SIK3: variants seen among roughly 807,000 people sequenced by gnomAD.
SIK3 encodes SIK family kinase 3, also known as serine/threonine-protein kinase SIK3.
A neutral mutation model predicts 144.2 loss-of-function variants in SIK3; 28 were observed. The ratio of observed to expected loss-of-function variants is 0.19; its 90% CI spans 0.14 to 0.27. The LOEUF is 0.27. Ranked by LOEUF, SIK3 falls within the 10% of genes least tolerant of loss-of-function variation. SIK3 has a pLI of 1.00. For synonymous variants in SIK3, 686 were observed against 676.3 expected (o/e 1.01, Z -0.22); for missense variants, 1,319 against 1,776.0 (o/e 0.74, Z 4.62).
intron 1 of SIK3, among the ~76,000 whole-genome samples, chr11:117,088,642 C>T (rs1294358399): frequency 6.6e-6 from 1 of 152,130 alleles, no homozygotes; most frequent in African/African-American, 2.4e-5. Context: ...CTGTGCCATC[C>T]TAATGAGCAG....
At chr11:116,924,032 A>C (rs1947143193) in intron 4 of SIK3, among the ~76,000 whole-genome samples, 1 of 152,218 alleles carries the variant, frequency 6.6e-6, no homozygotes, top group Non-Finnish European at 1.5e-5. Flanking sequence ...CTATAATCCC[A>C]GCACTTTGGG....
intron 1 of SIK3, among the ~76,000 whole-genome samples, chr11:117,013,903 G>GTGT (rs1555127047): frequency 0.011 from 599 of 52,788 alleles, 42 homozygotes; most frequent in African/African-American, 0.019. Context: ...ATTCTGAGGG[G>GTGT]GGGGGGGGGA....
chr11:116,956,552 T>C (rs1168033454), intron 2 of SIK3, among the ~76,000 whole-genome samples: 3 of 152,092 alleles, frequency 2.0e-5, no homozygotes, highest in Admixed American at 2.0e-4. Context: ...ATAATGCTAT[T>C]AAAAAAATGT....
At position 116,876,339 on chromosome 11, in the gene SIK3, T is replaced by C; in HGVS notation, c.1009A>G (p.Lys337Glu). 6.2e-7 allele frequency: 1 copy of C among 1,614,196 alleles called. No individual in the cohort carries two copies. The highest frequency in any genetic ancestry group is 8.5e-7 in the Non-Finnish European group (1 of 1,180,004). The change falls in exon 8 of 25, where the codon AAG (lysine) becomes GAG (glutamate). Residue 337 changes from lysine (K) to glutamate (E), a missense_variant. Physicochemically the swap from Lys to Glu is moderately conservative, Grantham distance 56. Transcript: ENST00000445177. ...AGGGGGTCCACCTGTCTTTCTTCCT[T>C]TAGTTGTTGGCATTCAGCTATTAAC... is the stretch of plus-strand genomic sequence containing the variant. ...DRLIAECQQL[K>E]EERQVDPLNE...
chr11:116,920,880 A>G (rs1032506924), intron 4 of SIK3, among the ~76,000 whole-genome samples: 6 of 152,228 alleles, frequency 3.9e-5, no homozygotes, highest in Non-Finnish European at 8.8e-5. Context: ...CAGTACTTCT[A>G]TCATCCTCTG....
intron 4 of SIK3, among the ~76,000 whole-genome samples, chr11:116,907,472 C>A (rs574342120): frequency 6.6e-6 from 1 of 152,232 alleles, no homozygotes; most frequent in South Asian, 2.1e-4. Context: ...CACGGCAAAA[C>A]CCCGTCTCTA....
chr11:117,016,304 C>T (rs1467127200), intron 1 of SIK3, among the ~76,000 whole-genome samples: 1 of 135,540 alleles, frequency 7.4e-6, no homozygotes, highest in Non-Finnish European at 1.5e-5. Flanking sequence ...CTAGCCTGGG[C>T]GACAGAGAGA....
In SIK3 at chr11:116,897,224, T is replaced by C. The variant is rs1945457843; in HGVS notation, c.710A>G (p.Lys237Arg). 10 of 1,613,950 alleles carry C rather than the reference T, an allele frequency of 6.2e-6. No individual in the cohort carries two copies. The highest frequency in any genetic ancestry group is 1.3e-5 in the African/African-American group (1 of 74,904). ...GTCCACTTTGGGCCCATCATATTCT[T>C]TTCCTTCAAAGAGTTCAGGTGCAGC... is the stretch of plus-strand genomic sequence containing the variant. Reference protein sequence around the residue: ...PYAAPELFEGKEYDGPKVDIW... With the variant: ...PYAAPELFEGREYDGPKVDIW... Residue 237 changes from lysine to arginine, a missense_variant, in exon 5 of 25, where the codon AAA (lysine) becomes AGA (arginine). By Grantham distance (26) the Lys-to-Arg change is conservative. This residue lies in a region of SIK3 where 125 missense variants were observed against 285.2 expected (regional missense o/e 0.44). Coordinates refer to ENST00000445177, the MANE Select transcript of SIK3 (RefSeq NM_001366686.3).
In SIK3 at chr11:116,858,366, G is replaced by T. The variant is rs140347311; in HGVS notation, c.3099C>A (p.Ile1033=). The T allele has an allele frequency of 9.9e-6, 16 of 1,613,772 alleles. No homozygotes were observed. Among genetic ancestry groups the T allele is most frequent in the Non-Finnish European group, 1.3e-5 (15 of 1,179,828 alleles). ...GTGCAAACTCTGTTGGGGGCAGCCG[G>T]ATGTCCGAGTGGCCGGTGAGCGAAT... ...PRHSLTGHSD[I]RLPPTEFAQL... Residue 1033 remains isoleucine, a synonymous_variant, in exon 21 of 25, where the codon ATC becomes ATA. Transcript: ENST00000445177. This position sits in a 1 kb window ranked among gnomAD's most constrained non-coding sequence, Gnocchi z 5.4.
Position 117,098,407 on chromosome 11 carries a change from C to A in SIK3, c.9G>T (p.Ala3=). 8.6e-7 allele frequency: 1 copy of A among 1,168,322 alleles called. No homozygotes were observed. The highest frequency in any genetic ancestry group is 3.9e-5 in the South Asian group (1 of 25,370). The allele number at this position is 1,168,322 out of a possible 1,614,324, so 72.4% of individuals were successfully genotyped here. A position where few individuals can be genotyped will look rare whatever the true frequency, so the allele number is the denominator to read the frequency against. The change falls in exon 1 of 25, where the codon GCG becomes GCT. Residue 3 remains alanine (A), a synonymous_variant. Coordinates refer to ENST00000445177, the MANE Select transcript of SIK3 (RefSeq NM_001366686.3). MA[A]AAASGAGGAA... ...CCCCGCCAGCTCCGCTCGCCGCCGC[C>A]GCCGCCATCTTGTTGTGCAGTGAAA...
chr11:116,847,623 TAAGAG>T lies in SIK3; in HGVS notation c.3820-20_3820-16del, dbSNP rs748235157. The stretch of plus-strand genomic sequence containing the variant: ...TCCAGCTGTACCTGCAGAAAACAGT[TAAGAG>T]AAGAAATAAGCACACAAGACACCAC... On this transcript the variant is annotated splice_polypyrimidine_tract_variant and intron_variant, in intron 22 of 24. Coordinates refer to ENST00000445177, the MANE Select transcript of SIK3 (RefSeq NM_001366686.3). 3.7e-6 allele frequency: 6 copies of T among 1,613,864 alleles called. No individual in the cohort carries two copies. The highest frequency in any genetic ancestry group is 4.5e-5 in the East Asian group (2 of 44,882).
intron 1 of SIK3, among the ~76,000 whole-genome samples, chr11:117,030,833 G>A (rs11216242): frequency 0.46 from 69,268 of 152,028 alleles, 19,149 homozygotes; most frequent in Non-Finnish European, 0.64. Flanking sequence ...AGTGCACCCA[G>A]GCTTTTTAAA....
intron 3 of SIK3, among the ~76,000 whole-genome samples, chr11:116,931,176 C>A (rs188023188): frequency 6.6e-6 from 1 of 152,124 alleles, no homozygotes; most frequent in African/African-American, 2.4e-5. Context: ...TTTACATACC[C>A]GACGAAGAGT....
At chr11:117,012,084 TCCTC>T (rs1172441601) in intron 1 of SIK3, among the ~76,000 whole-genome samples, 2 of 114,478 alleles carry the variant, frequency 1.7e-5, no homozygotes, top group Non-Finnish European at 4.8e-5. Flanking sequence ...GCTCAAGTGA[TCCTC>T]CCAGCCTCCC....
chr11:117,097,998 C>G, intron 1 of SIK3, 145 bp downstream of exon 1: 1 of 1,117,066 alleles, frequency 9.0e-7, no homozygotes, highest in Non-Finnish European at 1.1e-6. Context: ...CGCGCCCGCC[C>G]CGCCGCGGCT....
At chr11:117,046,958 C>T (rs1952993987) in intron 1 of SIK3, among the ~76,000 whole-genome samples, 1 of 152,124 alleles carries the variant, frequency 6.6e-6, no homozygotes, top group Non-Finnish European at 1.5e-5. Flanking sequence ...ATCTGATATC[C>T]CCCATCCTAT....
At position 116,858,240 on chromosome 11, in the gene SIK3, C is replaced by G. The variant is rs536284019; in HGVS notation, c.3225G>C (p.Ala1075=). 1 of 1,614,060 alleles carries G rather than the reference C, an allele frequency of 6.2e-7. No individual in the cohort carries two copies. Among genetic ancestry groups the G allele is most frequent in the Non-Finnish European group, 8.5e-7 (1 of 1,179,976 alleles). The change falls in exon 21 of 25, where the codon GCG becomes GCC. Residue 1075 remains alanine, a synonymous_variant. Coordinates refer to ENST00000445177, the MANE Select transcript of SIK3 (RefSeq NM_001366686.3). The surrounding 1 kb of genome is among the most constrained non-coding windows in gnomAD (Gnocchi z 5.4). The part of the protein sequence containing the change: ...ELFRHMNQGD[A]GSLAPSLGGQ... The stretch of plus-strand genomic sequence containing the variant: ...CCCCAAGGCTGGGAGCCAGACTCCC[C>G]GCATCCCCTTGGTTCATGTGCCTGA...
intron 1 of SIK3, among the ~76,000 whole-genome samples, chr11:117,011,141 C>T (rs906080805): frequency 2.0e-5 from 3 of 152,022 alleles, no homozygotes; most frequent in Admixed American, 6.6e-5. Context: ...AAAATAATCA[C>T]CCTCCTCCTG....
At chr11:116,993,390 GACA>G (rs879286983) in intron 1 of SIK3, among the ~76,000 whole-genome samples, 2 of 150,984 alleles carry the variant, frequency 1.3e-5, no homozygotes, top group Non-Finnish European at 2.9e-5. Flanking sequence ...GGTTTAAATG[GACA>G]ACAATTTCTT....
Sources: gnomAD v4.1 joint callset for allele counts (sites outside exome capture counted in the v4.1 genomes callset) on GRCh38, gnomAD v4.1.1 for gene constraint, gnomAD v4.1.1 regional missense constraint, Gnocchi (gnomAD v3.1) non-coding constraint, MANE v1.5 for transcripts, NCBI Gene and HGNC (gene_info 2026-07-23, HGNC 2026-07-21) for gene names.